TET3: variants seen among roughly 807,000 people sequenced by gnomAD.
TET3 encodes methylcytosine dioxygenase TET3.
A neutral mutation model predicts 141.4 loss-of-function variants in TET3; 19 were observed. That is an observed-to-expected ratio of 0.13 (90% CI 0.09 to 0.20). The LOEUF (loss-of-function observed/expected upper bound fraction) is 0.20. Among genes scored for constraint, TET3 ranks in the 10% least tolerant of loss-of-function variants. The pLI is 1.00. For missense variants in TET3, 1,874 were observed against 2,356.9 expected (o/e 0.80, Z 4.24); for synonymous variants, 1,043 against 980.9 (o/e 1.06, Z -1.18).
chr2:73,993,658 C>A (rs1558692998), intron 2 of TET3: 1 of 152,172 alleles, frequency 6.6e-6, no homozygotes, highest in African/African-American at 2.4e-5. Flanking sequence ...CTGCATGTTT[C>A]TGCTTGTTCT....
At chr2:74,094,095 T>C (rs1293561736) in intron 10 of TET3, among the ~76,000 whole-genome samples, 1 of 152,152 alleles carries the variant, frequency 6.6e-6, no homozygotes, top group Non-Finnish European at 1.5e-5. Flanking sequence ...TGCCCAAGTA[T>C]GTGTGGGAAT....
intron 4 of TET3, among the ~76,000 whole-genome samples, chr2:74,069,825 C>G (rs1452603910): frequency 6.6e-6 from 1 of 152,046 alleles, no homozygotes; most frequent in African/African-American, 2.4e-5. Context: ...GTCTCAAACT[C>G]CTGGACTCAA....
chr2:74,022,094 C>CCTTTTT lies in TET3; in HGVS notation c.360+18928_360+18929insCTTTTT, dbSNP rs57671706. On this transcript the variant is annotated intron_variant, in intron 3 of 11. Coordinates refer to ENST00000409262, the MANE Select transcript of TET3 (RefSeq NM_001287491.2). ...TTACTATTTCAGTCTTTCTAGGACACTTTTTTTTTTTTTTTTTTTTTTTCC... is the reference window on the plus strand; with the variant it reads ...TTACTATTTCAGTCTTTCTAGGACACCTTTTTTTTTTTTTTTTTTTTTTTTTTTTCC... Among the ~76,000 whole-genome samples, 254 of 82,724 alleles carry CCTTTTT rather than the reference C, an allele frequency of 3.1e-3. 7 individuals carry two copies. Among genetic ancestry groups the CCTTTTT allele is most frequent in the African/African-American group, 9.9e-3 (196 of 19,756 alleles). 54.3% of individuals were successfully genotyped at this position (82,724 alleles called of 152,430 possible).
Position 74,091,774 on chromosome 2 carries a change from T to A in TET3, c.3040-1128T>A, listed in dbSNP as rs1017003967. 3.9e-5 allele frequency among the ~76,000 whole-genome samples: 6 copies of A among 152,230 alleles called. No homozygotes were observed. In the South Asian group the frequency reaches 8.3e-4, roughly 21 times the overall value. On this transcript the variant is annotated intron_variant, in intron 8 of 11. Coordinates refer to ENST00000409262, the MANE Select transcript of TET3 (RefSeq NM_001287491.2). ...ACCCTTTGTGCCTGTGCTCGTGGTG[T>A]CCTAGGAGCCCTTCAAGCCCTGCTT...
intron 3 of TET3, among the ~76,000 whole-genome samples, chr2:74,044,050 G>T (rs1017112299): frequency 1.3e-5 from 2 of 152,078 alleles, no homozygotes; most frequent in Admixed American, 6.6e-5. Context: ...CATGCATCAA[G>T]TCCTAGCTAC....
At chr2:74,049,292 G>C (rs1303928430) in intron 4 of TET3, among the ~76,000 whole-genome samples, 1 of 152,170 alleles carries the variant, frequency 6.6e-6, no homozygotes, top group East Asian at 1.9e-4. Flanking sequence ...AGAAGACCAG[G>C]TCAGGGTCTG....
At chr2:74,130,094 C>CA in the TET3 span, among the ~76,000 whole-genome samples, 54,111 of 126,448 alleles carry the variant, frequency 0.43, 12,103 homozygotes, top group East Asian at 0.87. Flanking sequence ...GAGTCTGTCT[C>CA]AAAAAAAAAA....
intron 3 of TET3, among the ~76,000 whole-genome samples, chr2:74,019,095 C>CA (rs1477161911): frequency 6.6e-6 from 1 of 151,896 alleles, no homozygotes; most frequent in Non-Finnish European, 1.5e-5. Context: ...CTCATCTCTA[C>CA]AAAAAATAAA....
At chr2:74,109,346 T>C (rs1022502046), downstream of TET3, among the ~76,000 whole-genome samples, 3 of 152,270 alleles carry the variant, frequency 2.0e-5, no homozygotes, top group African/African-American at 7.2e-5. Context: ...TGCAAACATT[T>C]TGAGTGTGTA....
At chr2:74,003,315 G>A (rs1684964482) in intron 3 of TET3, 149 bp downstream of exon 3, 1 of 977,258 alleles carries the variant, frequency 1.0e-6, no homozygotes, top group East Asian at 2.8e-5. Context: ...GGGGCGGCGG[G>A]GGTGTGGGCG....
the TET3 span, among the ~76,000 whole-genome samples, chr2:74,115,104 G>C: frequency 6.6e-6 from 1 of 152,102 alleles, no homozygotes; most frequent in East Asian, 1.9e-4. Context: ...ATAAGCAACT[G>C]AGATTATATC....
intron 2 of TET3, among the ~76,000 whole-genome samples, chr2:74,000,316 A>AG (rs1684783464): frequency 6.6e-6 from 1 of 152,170 alleles, no homozygotes; most frequent in Admixed American, 6.5e-5. Flanking sequence ...TGCAGAGCCT[A>AG]GGAAAGTAGG....
intron 4 of TET3, among the ~76,000 whole-genome samples, 190 bp downstream of exon 4, chr2:74,048,601 G>A (rs531897432): frequency 1.9e-4 from 29 of 152,332 alleles, no homozygotes; most frequent in South Asian, 1.2e-3. Flanking sequence ...GATACTGTGC[G>A]TGTATGCCAC....
intron 4 of TET3, among the ~76,000 whole-genome samples, chr2:74,054,446 T>TTA (rs1688109459): frequency 6.6e-6 from 1 of 152,124 alleles, no homozygotes; most frequent in Admixed American, 6.5e-5. Context: ...TTCACCAAGG[T>TTA]TAGAAATACT....
chr2:74,058,135 C>T (rs1688312000), intron 4 of TET3, among the ~76,000 whole-genome samples: 1 of 152,112 alleles, frequency 6.6e-6, no homozygotes, highest in Non-Finnish European at 1.5e-5. Flanking sequence ...ATAAAAAGTG[C>T]ATTGAGAAGC....
In TET3 at chr2:74,087,247, T is replaced by C. The variant is rs938608294; in HGVS notation, c.2680-583T>C. Among the ~76,000 whole-genome samples the C allele has an allele frequency of 6.6e-6, 1 of 152,206 alleles. No homozygotes were observed. Among genetic ancestry groups the C allele is most frequent in the African/African-American group, 2.4e-5 (1 of 41,446 alleles). On this transcript the variant is annotated intron_variant, in intron 6 of 11. Transcript: ENST00000409262. This position sits in a 1 kb window ranked among gnomAD's most constrained non-coding sequence, Gnocchi z 4.3. The stretch of plus-strand genomic sequence containing the variant: ...ATGGACCCTGGGGGTGCTTCCACCT[T>C]TTGGCTGTTGTGAATAGTGCTGCAG...
the TET3 span, among the ~76,000 whole-genome samples, chr2:74,120,040 T>G: frequency 2.0e-5 from 3 of 152,350 alleles, no homozygotes; most frequent in Admixed American, 2.0e-4. Context: ...GACGTACTAG[T>G]GGCCCCTGAA....
intron 2 of TET3, among the ~76,000 whole-genome samples, chr2:74,001,344 T>C (rs983529004): frequency 3.3e-5 from 5 of 152,170 alleles, no homozygotes; most frequent in Non-Finnish European, 7.4e-5. Context: ...ACATCCTAAT[T>C]AATCCTGTGA....
intron 4 of TET3, among the ~76,000 whole-genome samples, chr2:74,058,293 G>A (rs553297644): frequency 6.6e-6 from 1 of 152,246 alleles, no homozygotes; most frequent in South Asian, 2.1e-4. Context: ...GGGACAGTAG[G>A]GACCCCACAC....
Sources: allele counts gnomAD v4.1 joint callset (sites outside exome capture counted in the v4.1 genomes callset), GRCh38; gene constraint gnomAD v4.1.1; non-coding constraint Gnocchi (gnomAD v3.1); transcripts MANE v1.5; gene names NCBI Gene and HGNC (gene_info 2026-07-23, HGNC 2026-07-21).